KCND2: variants seen among roughly 807,000 people sequenced by gnomAD.
KCND2 encodes the protein potassium voltage-gated channel subfamily D member 2, also known as A-type voltage-gated potassium channel KCND2.
In KCND2, 16 loss-of-function variants were observed where a neutral mutation model predicts 54.4. That is an observed-to-expected ratio of 0.29 (90% CI 0.20 to 0.45). The LOEUF (loss-of-function observed/expected upper bound fraction) is 0.45. Ranked by LOEUF, KCND2 falls within the 20% of genes least tolerant of loss-of-function variation. KCND2 has a pLI of 1.00. For missense variants in KCND2, 486 were observed against 824.2 expected (o/e 0.59, Z 5.02); for synonymous variants, 317 against 310.7 (o/e 1.02, Z -0.21).
chr7:120,276,259 T>C (rs999449332), intron 1 of KCND2, among the ~76,000 whole-genome samples: 1 of 152,196 alleles, frequency 6.6e-6, no homozygotes, highest in Non-Finnish European at 1.5e-5. Context: ...ATTGTAGATG[T>C]AATTATCAAA....
chr7:120,677,539 A>G (rs1336014539), intron 1 of KCND2, among the ~76,000 whole-genome samples: 1 of 139,960 alleles, frequency 7.1e-6, no homozygotes, highest in Non-Finnish European at 1.5e-5. Context: ...AGATATAGAT[A>G]TAGATATAGA....
chr7:120,435,270 CTTT>C (rs533084445), intron 1 of KCND2, among the ~76,000 whole-genome samples: 1 of 132,858 alleles, frequency 7.5e-6, no homozygotes. Flanking sequence ...CCATGCCTGG[CTTT>C]TTTTTTTTTT....
intron 1 of KCND2, among the ~76,000 whole-genome samples, chr7:120,515,289 A>T (rs949604887): frequency 1.3e-5 from 2 of 152,108 alleles, no homozygotes; most frequent in African/African-American, 4.8e-5. Flanking sequence ...ATATTTTGTG[A>T]AGCCCTCCCT....
intron 1 of KCND2, among the ~76,000 whole-genome samples, chr7:120,511,950 A>C (rs1198119528): frequency 6.6e-6 from 1 of 152,126 alleles, no homozygotes; most frequent in Non-Finnish European, 1.5e-5. Context: ...GAATTTCTCC[A>C]GTTATGCTTC....
At chr7:120,612,092 C>G (rs533941962) in intron 1 of KCND2, among the ~76,000 whole-genome samples, 2 of 152,300 alleles carry the variant, frequency 1.3e-5, no homozygotes, top group South Asian at 4.1e-4. Flanking sequence ...ATAGCACTCT[C>G]TACCCAAGAT....
intron 1 of KCND2, among the ~76,000 whole-genome samples, chr7:120,503,312 G>A (rs182848078): frequency 1.3e-5 from 2 of 151,958 alleles, no homozygotes; most frequent in East Asian, 3.9e-4. Context: ...GTTAAGATAA[G>A]AGTGAAAGTA....
chr7:120,540,247 T>C (rs1253777683), intron 1 of KCND2, among the ~76,000 whole-genome samples: 1 of 152,206 alleles, frequency 6.6e-6, no homozygotes, highest in Non-Finnish European at 1.5e-5. Flanking sequence ...GCAGCAAGTG[T>C]TATATAAAAA....
intron 1 of KCND2, among the ~76,000 whole-genome samples, chr7:120,357,312 T>G (rs1800520864): frequency 6.6e-6 from 1 of 152,138 alleles, no homozygotes; most frequent in South Asian, 2.1e-4. Flanking sequence ...GAGCCAGGAT[T>G]CAAATTCAGG....
Position 120,745,935 on chromosome 7 carries a change from A to G in KCND2, c.1623A>G (p.Pro541=). 1.2e-6 allele frequency: 2 copies of G among 1,613,898 alleles called. No homozygotes were observed. The highest frequency in any genetic ancestry group is 2.2e-5 in the East Asian group (1 of 44,860). The change falls in exon 5 of 6, where the codon CCA becomes CCG. Residue 541 remains proline, a synonymous_variant. Transcript: ENST00000331113. ...GACACAAAAAAACTTTTCGCATCCCAAATGCCAATGTATCAGGAAGCCATC... is the reference window on the plus strand; with the variant it reads ...GACACAAAAAAACTTTTCGCATCCCGAATGCCAATGTATCAGGAAGCCATC... ...SRRHKKTFRI[P]NANVSGSHQG...
intron 1 of KCND2, among the ~76,000 whole-genome samples, chr7:120,663,416 T>C (rs1263815714): frequency 6.6e-6 from 1 of 152,204 alleles, no homozygotes; most frequent in Non-Finnish European, 1.5e-5. Flanking sequence ...CACCTCATGA[T>C]AGTCTTCCAA....
chr7:120,320,677 A>T lies in KCND2; in HGVS notation c.1115+44930A>T, dbSNP rs188092646. Among the ~76,000 whole-genome samples the T allele has an allele frequency of 4.6e-4, 70 of 152,240 alleles. 1 individual carries two copies. Among genetic ancestry groups the T allele is most frequent in the African/African-American group, 1.6e-3 (67 of 41,556 alleles). ...AAGTTTATTGTAGTGGTTTCAAAGGAAGAAAATGAGAGTGAAGATGTAGTA... is the reference window on the plus strand; with the variant it reads ...AAGTTTATTGTAGTGGTTTCAAAGGTAGAAAATGAGAGTGAAGATGTAGTA... On this transcript the variant is annotated intron_variant, in intron 1 of 5. Coordinates refer to ENST00000331113, the MANE Select transcript of KCND2 (RefSeq NM_012281.3).
chr7:120,727,621 A>G (rs1562921568), intron 1 of KCND2, among the ~76,000 whole-genome samples: 1 of 152,218 alleles, frequency 6.6e-6, no homozygotes, highest in Non-Finnish European at 1.5e-5. Context: ...ATAAAATTTT[A>G]GCCAGTATTT....
intron 1 of KCND2, among the ~76,000 whole-genome samples, chr7:120,411,189 T>C (rs979911734): frequency 6.6e-6 from 1 of 152,052 alleles, no homozygotes; most frequent in African/African-American, 2.4e-5. Flanking sequence ...ATAATTTATC[T>C]CTATACATTT....
chr7:120,310,971 CTG>C (rs1799728362), intron 1 of KCND2, among the ~76,000 whole-genome samples: 1 of 150,610 alleles, frequency 6.6e-6, no homozygotes, highest in Non-Finnish European at 1.5e-5. Context: ...AAAGAAAACT[CTG>C]TATTACATAT....
At chr7:120,656,942 G>A (rs950265963) in intron 1 of KCND2, among the ~76,000 whole-genome samples, 2 of 152,174 alleles carry the variant, frequency 1.3e-5, no homozygotes, top group African/African-American at 4.8e-5. Context: ...GACCTATCCA[G>A]CTGAGACTGT....
intron 1 of KCND2, among the ~76,000 whole-genome samples, chr7:120,536,513 A>C (rs1326902369): frequency 6.6e-6 from 1 of 152,206 alleles, no homozygotes; most frequent in Non-Finnish European, 1.5e-5. Flanking sequence ...CTTCTTTTAC[A>C]ATTGGAGTCA....
intron 1 of KCND2, among the ~76,000 whole-genome samples, chr7:120,290,618 A>AGCCATATG (rs1424555083): frequency 3.9e-5 from 6 of 152,054 alleles, no homozygotes; most frequent in Non-Finnish European, 7.4e-5. Flanking sequence ...TGGAAGCAAT[A>AGCCATATG]GCCATATGGA....
intron 1 of KCND2, among the ~76,000 whole-genome samples, chr7:120,313,279 T>A (rs1202916841): frequency 6.6e-6 from 1 of 152,188 alleles, no homozygotes; most frequent in African/African-American, 2.4e-5. Context: ...ACAAATTGAT[T>A]GATAAAGATA....
chr7:120,453,679 GAAAT>G (rs1166297047), intron 1 of KCND2, among the ~76,000 whole-genome samples: 6 of 152,122 alleles, frequency 3.9e-5, no homozygotes, highest in African/African-American at 1.4e-4. Flanking sequence ...AGTAAACAAT[GAAAT>G]AAAGGTAGAA....
Sources: allele counts gnomAD v4.1 joint callset (sites outside exome capture counted in the v4.1 genomes callset), GRCh38; gene constraint gnomAD v4.1.1; transcripts MANE v1.5; gene names NCBI Gene and HGNC (gene_info 2026-07-23, HGNC 2026-07-21).